PDGFRL: variants seen among roughly 807,000 people sequenced by gnomAD.
PDGFRL encodes the protein platelet-derived growth factor receptor-like protein.
In PDGFRL, 46 loss-of-function variants were observed where a neutral mutation model predicts 37.2. That is an observed-to-expected ratio of 1.24 (90% CI 0.98 to 1.58). The LOEUF is 1.58. PDGFRL is among the 40% of genes most tolerant of loss of function. PDGFRL has a pLI of 0.00. For missense variants in PDGFRL, 692 were observed against 467.6 expected, an observed-to-expected ratio of 1.48 and a Z score of -4.43; for synonymous variants, 251 against 184.3, an observed-to-expected ratio of 1.36 and a Z score of -2.93.
At chr8:17,585,234 C>T (rs934307841) in intron 1 of PDGFRL, among the ~76,000 whole-genome samples, 1 of 152,182 alleles carries the variant, frequency 6.6e-6, no homozygotes, top group African/African-American at 2.4e-5. Flanking sequence ...CCTGTTTTAT[C>T]AGCAAGGTGT....
At chr8:17,602,626 T>TTAGG (rs1804190264) in intron 2 of PDGFRL, among the ~76,000 whole-genome samples, 1 of 152,154 alleles carries the variant, frequency 6.6e-6, no homozygotes, top group Non-Finnish European at 1.5e-5. Flanking sequence ...CCACATTGAT[T>TTAGG]TAGGGTAGCT....
At chr8:17,615,137 T>C (rs1585320889) in intron 2 of PDGFRL, among the ~76,000 whole-genome samples, 1 of 152,358 alleles carries the variant, frequency 6.6e-6, no homozygotes. Flanking sequence ...CTCTTCCGTA[T>C]TGCCAGTTAT....
rs533043558 is a variant in PDGFRL at position 17,632,180 on chromosome 8, C to CT, written c.800-1888dup. 9.4e-4 allele frequency among the ~76,000 whole-genome samples: 143 copies of CT among 152,310 alleles called. No homozygotes were observed. The East Asian group carries it at 0.021, about 23-fold the overall frequency. ...TCCCTCCTCCTCCCGATCCTTTCTA[C>CT]TTTTTTCATTAAATCACTTTCAAAT... is the stretch of plus-strand genomic sequence containing the variant. On this transcript the variant is annotated intron_variant, in intron 4 of 5. Coordinates refer to ENST00000251630, the MANE Select transcript of PDGFRL (RefSeq NM_001372073.1).
At chr8:17,606,889 T>TTTTG (rs368807173) in intron 2 of PDGFRL, among the ~76,000 whole-genome samples, 67 of 37,886 alleles carry the variant, frequency 1.8e-3, no homozygotes, top group African/African-American at 6.9e-3. Context: ...GTTTTTTGTT[T>TTTTG]TTTTGTTTTT....
chr8:17,628,865 A>G, intron 4 of PDGFRL, 85 bp downstream of exon 4: 1 of 874,716 alleles, frequency 1.1e-6, no homozygotes, highest in Admixed American at 2.1e-5. Flanking sequence ...AGATGGAATA[A>G]GGAAGCTCCA....
chr8:17,636,855 GTA>G (rs978263340), intron 5 of PDGFRL, among the ~76,000 whole-genome samples: 1 of 152,022 alleles, frequency 6.6e-6, no homozygotes, highest in Non-Finnish European at 1.5e-5. Flanking sequence ...ATATTTCTGA[GTA>G]TATATATTTT....
At chr8:17,590,782 C>T (rs903836424) in intron 2 of PDGFRL, among the ~76,000 whole-genome samples, 4 of 152,010 alleles carry the variant, frequency 2.6e-5, no homozygotes, top group African/African-American at 7.2e-5. Context: ...TTTAAGTAAT[C>T]ATAATGAAAA....
Position 17,613,442 on chromosome 8 carries a change from C to T in PDGFRL, c.354-7609C>T, listed in dbSNP as rs80035507. Among the ~76,000 whole-genome samples, 194 of 152,236 alleles carry T rather than the reference C, an allele frequency of 1.3e-3. 3 individuals are homozygous for T. In the East Asian group the frequency reaches 0.033, roughly 26 times the overall value. ...GGAAATGAAAAGGGAAGGGGGACTT[C>T]GCAGTATGGCGGGCAGAGTCCAGGC... On this transcript the variant is annotated intron_variant, in intron 2 of 5. Transcript: ENST00000251630.
intron 2 of PDGFRL, among the ~76,000 whole-genome samples, chr8:17,594,617 C>T (rs1029882534): frequency 1.3e-5 from 2 of 150,544 alleles, no homozygotes; most frequent in Non-Finnish European, 3.0e-5. Flanking sequence ...TGCAGTGGTG[C>T]GATCTCAGCT....
intron 2 of PDGFRL, among the ~76,000 whole-genome samples, chr8:17,603,574 G>A (rs2517181): frequency 0.99 from 150,930 of 152,284 alleles, 74,807 homozygotes; most frequent in Middle Eastern, 1. Flanking sequence ...GACAACAGTA[G>A]TTATCATTTG....
intron 5 of PDGFRL, among the ~76,000 whole-genome samples, chr8:17,640,706 G>A (rs1420325652): frequency 6.6e-6 from 1 of 152,136 alleles, no homozygotes; most frequent in Non-Finnish European, 1.5e-5. Context: ...CTCTGTGAGG[G>A]TCCTTAGTTG....
At chr8:17,620,796 T>A (rs1377670589) in intron 2 of PDGFRL, among the ~76,000 whole-genome samples, 1 of 152,192 alleles carries the variant, frequency 6.6e-6, no homozygotes, top group Non-Finnish European at 1.5e-5. Flanking sequence ...TCAAATTGTT[T>A]TAGAATGAAC....
chr8:17,630,010 A>C (rs1254748442), intron 4 of PDGFRL, among the ~76,000 whole-genome samples: 1 of 152,112 alleles, frequency 6.6e-6, no homozygotes, highest in Non-Finnish European at 1.5e-5. Context: ...TCCAGGAAAG[A>C]ACCACCCCGG....
intron 5 of PDGFRL, among the ~76,000 whole-genome samples, chr8:17,635,837 C>G (rs570281403): frequency 6.6e-6 from 1 of 152,264 alleles, no homozygotes; most frequent in South Asian, 2.1e-4. Context: ...AAGGTGGTAT[C>G]ACATTGTGGT....
At chr8:17,617,660 A>G (rs191411921) in intron 2 of PDGFRL, among the ~76,000 whole-genome samples, 1 of 152,330 alleles carries the variant, frequency 6.6e-6, no homozygotes, top group Non-Finnish European at 1.5e-5. Context: ...GTTTGCGTAG[A>G]AGAGGGGGTG....
At chr8:17,599,847 G>T (rs1804130313) in intron 2 of PDGFRL, among the ~76,000 whole-genome samples, 1 of 152,070 alleles carries the variant, frequency 6.6e-6, no homozygotes, top group Non-Finnish European at 1.5e-5. Context: ...AGAAGGATGA[G>T]GATTTTCCCT....
chr8:17,605,786 G>A (rs1052702365), intron 2 of PDGFRL, among the ~76,000 whole-genome samples: 3 of 152,306 alleles, frequency 2.0e-5, no homozygotes, highest in Admixed American at 6.5e-5. Flanking sequence ...TCTGGTATCT[G>A]GTCGGATGTT....
At chr8:17,626,929 G>T (rs544076088) in intron 3 of PDGFRL, among the ~76,000 whole-genome samples, 35 of 152,188 alleles carry the variant, frequency 2.3e-4, no homozygotes, top group Admixed American at 1.3e-4. Context: ...TAAGAGACTG[G>T]CTGAGGATTC....
intron 2 of PDGFRL, among the ~76,000 whole-genome samples, chr8:17,613,412 A>G (rs1804461477): frequency 6.6e-6 from 1 of 152,206 alleles, no homozygotes; most frequent in East Asian, 1.9e-4. Flanking sequence ...AGCAGGTGAC[A>G]GAGGGGAAAT....
Sources: allele counts gnomAD v4.1 joint callset (sites outside exome capture counted in the v4.1 genomes callset), GRCh38; gene constraint gnomAD v4.1.1; transcripts MANE v1.5; gene names NCBI Gene and HGNC (gene_info 2026-07-23, HGNC 2026-07-21).